C11orf71: variants seen among roughly 807,000 people sequenced by gnomAD.
C11orf71 encodes the protein uncharacterized protein C11orf71.
For synonymous variants in C11orf71, 72 were observed against 73.4 expected (o/e 0.98, Z 0.09); for missense variants, 179 against 167.6 (o/e 1.07, Z -0.38).
At position 114,400,032 on chromosome 11, in the gene C11orf71, A is replaced by C; in HGVS notation, c.300T>G (p.Asp100Glu). The change falls in exon 1 of 1, where the codon GAT (aspartate) becomes GAG (glutamate). Residue 100 changes from aspartate (D) to glutamate (E), a missense_variant. By Grantham distance (45) the Asp-to-Glu change is conservative. Coordinates refer to ENST00000623205, the MANE Select transcript of C11orf71 (RefSeq NM_001271562.2). ...SPYPIPAVEP[D>E]LLRSVLQQRL... The stretch of plus-strand genomic sequence containing the variant: ...GCTGTTGCAGCACACTTCTTAGGAG[A>C]TCGGGTTCAACGGCAGGGATTGGGT... The C allele has an allele frequency of 6.2e-7, 1 of 1,614,016 alleles. No individual in the cohort carries two copies. The highest frequency in any genetic ancestry group is 1.7e-5 in the Admixed American group (1 of 60,036).
chr11:114,391,728 TC>T, intron 1 of C11orf71: 1 of 661,450 alleles, frequency 1.5e-6, no homozygotes, highest in Non-Finnish European at 2.5e-6. Context: ...AAAATGCATG[TC>T]CCAGCAAAAG....
chr11:114,400,460 C>CACA lies in C11orf71; in HGVS notation c.-130_-129insTGT. ...ACACAGGAACCCATAACTGAGCCTG[C>CACA]GGAAGAGCCAGAAGCCGCCTTGCCT... is the stretch of plus-strand genomic sequence containing the variant. On this transcript the variant is annotated 5_prime_UTR_variant, in exon 1 of 1. Transcript: ENST00000623205. The CACA allele has an allele frequency of 7.4e-7, 1 of 1,346,288 alleles. No homozygotes were observed. Among genetic ancestry groups the CACA allele is most frequent in the Non-Finnish European group, 1.0e-6 (1 of 1,003,836 alleles). 83.4% of individuals were successfully genotyped at this position (1,346,288 alleles called of 1,614,324 possible).
At position 114,399,680 on chromosome 11, in the gene C11orf71, T is replaced by C; in HGVS notation, c.*280A>G. 2.6e-6 allele frequency: 1 copy of C among 382,868 alleles called. No homozygotes were observed. The highest frequency in any genetic ancestry group is 4.7e-6 in the Non-Finnish European group (1 of 213,096). The allele number at this position is 382,868 out of a possible 1,614,324, so 23.7% of individuals were successfully genotyped here. A position where few individuals can be genotyped will look rare whatever the true frequency, so the allele number is the denominator to read the frequency against. ...GTGTCTGAGTTAACGAATGGATTGT[T>C]GACCTCTGGGGAGGGTGCTCCCATC... On this transcript the variant is annotated 3_prime_UTR_variant, in exon 1 of 1. Transcript: ENST00000623205.
chr11:114,396,017 C>T (rs1280090068), downstream of C11orf71, among the ~76,000 whole-genome samples: 3 of 152,202 alleles, frequency 2.0e-5, no homozygotes, highest in Non-Finnish European at 1.5e-5. Context: ...CCCACCTTAG[C>T]CTACAGCCTG....
At chr11:114,394,269 T>TCTC (rs1946109123), downstream of C11orf71, among the ~76,000 whole-genome samples, 1 of 75,456 alleles carries the variant, frequency 1.3e-5, no homozygotes, top group African/African-American at 8.0e-5. Context: ...TTTCTTTTCT[T>TCTC]TTCTTTTCTT....
downstream of C11orf71, among the ~76,000 whole-genome samples, chr11:114,397,881 A>G (rs1008374358): frequency 6.6e-6 from 1 of 152,154 alleles, no homozygotes. Context: ...TGGTCACCCA[A>G]TATGTCATAC....
In C11orf71 at chr11:114,400,243, G is replaced by A. The variant is rs9882; in HGVS notation, c.89C>T (p.Ala30Val). Residue 30 changes from alanine to valine, a missense_variant, in exon 1 of 1, where the codon GCG becomes GTG. By Grantham distance (64) the Ala-to-Val change is moderately conservative. Transcript: ENST00000623205. ...TCCGGAGACCATCGCCAACGCTGAC[G>A]CCCGCGGTCTGAGGTCGCCATGGGA... is the stretch of plus-strand genomic sequence containing the variant. ...RSSHGDLRPR[A>V]SALAMVSGDG... is the part of the protein sequence containing the mutation. 4 of 1,611,532 alleles carry A rather than the reference G, an allele frequency of 2.5e-6. No individual in the cohort carries two copies. In the Admixed American group the frequency reaches 6.7e-5, roughly 27 times the overall value.
downstream of C11orf71, among the ~76,000 whole-genome samples, chr11:114,394,279 TTTC>T (rs1252081683): frequency 6.8e-5 from 6 of 87,842 alleles, no homozygotes; most frequent in African/African-American, 3.8e-4. Flanking sequence ...TTTCTTTTCT[TTTC>T]TTTTCTCTTA....
At chr11:114,395,077 A>G (rs1433974836), downstream of C11orf71, among the ~76,000 whole-genome samples, 3 of 152,006 alleles carry the variant, frequency 2.0e-5, no homozygotes, top group Admixed American at 2.0e-4. Context: ...CATTCATTAA[A>G]TATCTACTCT....
chr11:114,392,623 G>A (rs1385374512), intron 1 of C11orf71, among the ~76,000 whole-genome samples: 2 of 151,148 alleles, frequency 1.3e-5, no homozygotes, highest in African/African-American at 2.4e-5. Context: ...CCCAGCTACT[G>A]GGGAGGCTGA....
At position 114,399,180 on chromosome 11, in the gene C11orf71, T is replaced by C. The variant is rs1946155118; in HGVS notation, c.*780A>G. ...TCTAGAATATACTCCGTGATCTTTC[T>C]TGATGGCCAGACTGTGTAAAATTCA... On this transcript the variant is annotated 3_prime_UTR_variant, in exon 1 of 1. Coordinates refer to ENST00000623205, the MANE Select transcript of C11orf71 (RefSeq NM_001271562.2). 6.6e-6 allele frequency: 1 copy of C among 152,198 alleles called. No homozygotes were observed. The highest frequency in any genetic ancestry group is 2.4e-5 in the African/African-American group (1 of 41,444). 9.4% of individuals were successfully genotyped at this position (152,198 alleles called of 1,614,324 possible).
Position 114,392,477 on chromosome 11 carries a change from G to A in C11orf71, c.344-812C>T, listed in dbSNP as rs1441748149. 8.1e-5 allele frequency among the ~76,000 whole-genome samples: 11 copies of A among 135,882 alleles called. No individual in the cohort carries two copies. The Admixed American group carries it at 9.1e-4, about 11-fold the overall frequency. The allele number at this position is 135,882 out of a possible 152,430, so 89.1% of individuals were successfully genotyped here. ...CACTGGAACCCGGGAGATGGAGGTTGCAGGGAGCTGAGATCATGCCACTAC... is the reference window on the plus strand; with the variant it reads ...CACTGGAACCCGGGAGATGGAGGTTACAGGGAGCTGAGATCATGCCACTAC... On this transcript the variant is annotated intron_variant, in intron 1 of 1. Transcript: ENST00000325636.
At chr11:114,394,282 C>CTT (rs201371650), downstream of C11orf71, among the ~76,000 whole-genome samples, 4 of 68,760 alleles carry the variant, frequency 5.8e-5, no homozygotes, top group Non-Finnish European at 1.1e-4. Context: ...CTTTTCTTTT[C>CTT]TTTTCTCTTA....
rs1213714128 is a variant in C11orf71, at chr11:114,399,842, G to A, written c.*118C>T. 2 of 1,332,518 alleles carry A rather than the reference G, an allele frequency of 1.5e-6. No individual in the cohort carries two copies. The highest frequency in any genetic ancestry group is 1.5e-5 in the African/African-American group (1 of 67,684). 82.5% of individuals were successfully genotyped at this position (1,332,518 alleles called of 1,614,324 possible). A position where few individuals can be genotyped will look rare whatever the true frequency, so the allele number is the denominator to read the frequency against. On this transcript the variant is annotated 3_prime_UTR_variant, in exon 1 of 1. Coordinates refer to ENST00000623205, the MANE Select transcript of C11orf71 (RefSeq NM_001271562.2). ...TAGGACATATTCATATAACTCCCAC[G>A]TATTAAATGAAAATACATCCATCTA...
intron 1 of C11orf71, among the ~76,000 whole-genome samples, chr11:114,392,579 A>G (rs1467817800): frequency 6.6e-6 from 1 of 150,980 alleles, no homozygotes; most frequent in Non-Finnish European, 1.5e-5. Flanking sequence ...AAAAGAAAAA[A>G]CATTAGCTGG....
downstream of C11orf71, among the ~76,000 whole-genome samples, chr11:114,394,232 C>CT (rs1449542073): frequency 3.0e-5 from 1 of 33,806 alleles, no homozygotes; most frequent in African/African-American, 2.8e-4. Flanking sequence ...TCTTTTCTTT[C>CT]TTTTCTTTTC....
chr11:114,392,547 A>AAAAAAAAAAAG (rs1555023952), intron 1 of C11orf71, among the ~76,000 whole-genome samples: 4 of 145,110 alleles, frequency 2.8e-5, no homozygotes, highest in East Asian at 2.1e-4. Context: ...AAAAAAAAAA[A>AAAAAAAAAAAG]AAAGAAGAAG....
intron 1 of C11orf71, among the ~76,000 whole-genome samples, chr11:114,392,298 G>T (rs1946078768): frequency 6.6e-6 from 1 of 151,984 alleles, no homozygotes; most frequent in Non-Finnish European, 1.5e-5. Context: ...AACACTTTGG[G>T]AGGCCGAGGC....
Position 114,399,968 on chromosome 11 carries a change from A to G in C11orf71, c.364T>C (p.Ser122Pro). 1.3e-6 allele frequency: 2 copies of G among 1,596,342 alleles called. No homozygotes were observed. Among genetic ancestry groups the G allele is most frequent in the Non-Finnish European group, 1.7e-6 (2 of 1,166,432 alleles). ...ALGGVIAARI[S>P]V ...AGAGGAAAGGTGTTCGTTTAAACTG[A>G]AATTCGAGCTGCGATAACACCTCCT... The change falls in exon 1 of 1, where the codon TCA (serine) becomes CCA (proline). Residue 122 changes from serine to proline, a missense_variant. Coordinates refer to ENST00000623205, the MANE Select transcript of C11orf71 (RefSeq NM_001271562.2).
Sources: gnomAD v4.1 joint callset for allele counts (sites outside exome capture counted in the v4.1 genomes callset) on GRCh38, gnomAD v4.1.1 for gene constraint, MANE v1.5 for transcripts, NCBI Gene and HGNC (gene_info 2026-07-23, HGNC 2026-07-21) for gene names.